The following ZNF521 variants were observed in gnomAD, a reference collection of about 807,000 sequenced individuals.
ZNF521 encodes the protein zinc finger protein 521, also known as LYST-interacting protein 3.
Under a neutral mutation model 105.5 loss-of-function variants are expected in ZNF521, and 14 were observed. That is an observed-to-expected ratio of 0.13 (90% CI 0.09 to 0.21). The LOEUF (loss-of-function observed/expected upper bound fraction) is 0.21. Ranked by LOEUF, ZNF521 falls within the 10% of genes least tolerant of loss-of-function variation. The pLI, the probability that ZNF521 is intolerant of heterozygous loss-of-function variation, is 1.00. For synonymous variants in ZNF521, 635 were observed against 606.0 expected (o/e 1.05, Z -0.70); for missense variants, 1,233 against 1,629.7 (o/e 0.76, Z 4.19).
At position 25,352,033 on chromosome 18, in the gene ZNF521, C is replaced by G; in HGVS notation, c.-30G>C. ...CAAGGTCTTGGACTGCGCTGTCGCT[C>G]CGGTAGTCCACATAATAATGGAAAA... On this transcript the variant is annotated 5_prime_UTR_variant, in exon 1 of 8. Transcript: ENST00000361524. 4.1e-6 allele frequency: 2 copies of G among 489,074 alleles called. No individual in the cohort carries two copies. Among genetic ancestry groups the G allele is most frequent in the Non-Finnish European group, 8.2e-6 (2 of 242,678 alleles). 30.3% of individuals were successfully genotyped at this position (489,074 alleles called of 1,614,324 possible). A position where few individuals can be genotyped will look rare whatever the true frequency, so the allele number is the denominator to read the frequency against.
At chr18:25,093,678 A>G (rs1045233980) in intron 5 of ZNF521, among the ~76,000 whole-genome samples, 1 of 152,198 alleles carries the variant, frequency 6.6e-6, no homozygotes, top group Non-Finnish European at 1.5e-5. Context: ...AGTACTGTCT[A>G]CATTTCACAA....
At chr18:25,170,898 T>A (rs2144558302) in intron 5 of ZNF521, among the ~76,000 whole-genome samples, 1 of 152,258 alleles carries the variant, frequency 6.6e-6, no homozygotes, top group Non-Finnish European at 1.5e-5. Flanking sequence ...TCCAAATAAA[T>A]CAGTTGCTAC....
At chr18:25,218,132 A>T (rs559912237) in intron 4 of ZNF521, among the ~76,000 whole-genome samples, 2 of 152,328 alleles carry the variant, frequency 1.3e-5, no homozygotes, top group South Asian at 4.2e-4. Flanking sequence ...GGATTATTAT[A>T]TCATCCTATG....
Position 25,227,954 on chromosome 18 carries a change from T to G in ZNF521, c.221-257A>C, listed in dbSNP as rs999315651. On this transcript the variant is annotated intron_variant, in intron 3 of 7. Transcript: ENST00000361524. This position sits in a 1 kb window ranked among gnomAD's most constrained non-coding sequence, Gnocchi z 5.7. ...ATGTCTAAATTACCCTTTTATTACTTTTTATCATTCTTCCTTAGAAGCAAG... is the reference window on the plus strand; with the variant it reads ...ATGTCTAAATTACCCTTTTATTACTGTTTATCATTCTTCCTTAGAAGCAAG... Among the ~76,000 whole-genome samples the G allele has an allele frequency of 1.3e-5, 2 of 152,236 alleles. No individual in the cohort carries two copies. The highest frequency in any genetic ancestry group is 2.9e-5 in the Non-Finnish European group (2 of 68,040).
intron 5 of ZNF521, among the ~76,000 whole-genome samples, chr18:25,100,967 G>A (rs1044696333): frequency 6.6e-6 from 1 of 152,214 alleles, no homozygotes; most frequent in African/African-American, 2.4e-5. Context: ...CCAGAAGGCA[G>A]AGGAGCATTC....
intron 7 of ZNF521, among the ~76,000 whole-genome samples, chr18:25,063,182 A>T (rs1162091598): frequency 6.6e-6 from 1 of 152,166 alleles, no homozygotes; most frequent in Non-Finnish European, 1.5e-5. Context: ...AGTTTTATGG[A>T]TCTGTGCGTG....
chr18:25,184,966 A>G (rs906642671), intron 5 of ZNF521, among the ~76,000 whole-genome samples: 10 of 152,190 alleles, frequency 6.6e-5, no homozygotes, highest in African/African-American at 1.9e-4. Context: ...TTACTGGGTA[A>G]AAACAGTAGA....
intron 6 of ZNF521, among the ~76,000 whole-genome samples, chr18:25,090,760 T>C (rs749628112): frequency 6.6e-6 from 1 of 152,216 alleles, no homozygotes; most frequent in African/African-American, 2.4e-5. Flanking sequence ...GTCTTAATCG[T>C]GAGGTGACCT....
Position 25,224,852 on chromosome 18 carries a change from G to A in ZNF521, c.3066C>T (p.Cys1022=), listed in dbSNP as rs143100224. Residue 1022 remains cysteine (C), a synonymous_variant, in exon 4 of 8, where the codon TGC becomes TGT. Coordinates refer to ENST00000361524, the MANE Select transcript of ZNF521 (RefSeq NM_015461.3). ...AGGTCACTGTCTGCATGCACACCACGCAGCGAAAGCCTGTCAGGGAATTCC... is the reference window on the plus strand; with the variant it reads ...AGGTCACTGTCTGCATGCACACCACACAGCGAAAGCCTGTCAGGGAATTCC... ...DLRNSLTGFR[C]VVCMQTVTST... is the part of the protein sequence containing the mutation. The A allele has an allele frequency of 9.9e-6, 16 of 1,613,868 alleles. No homozygotes were observed. The highest frequency in any genetic ancestry group is 2.7e-5 in the African/African-American group (2 of 74,888).
At chr18:25,157,091 C>CG (rs2035159689) in intron 5 of ZNF521, among the ~76,000 whole-genome samples, 1 of 152,078 alleles carries the variant, frequency 6.6e-6, no homozygotes, top group South Asian at 2.1e-4. Flanking sequence ...CCCAGCTACC[C>CG]GGGGGCTGAG....
intron 4 of ZNF521, among the ~76,000 whole-genome samples, chr18:25,209,968 T>A (rs2036149767): frequency 6.6e-6 from 1 of 152,220 alleles, no homozygotes; most frequent in Admixed American, 6.5e-5. Flanking sequence ...TGTGGAAATA[T>A]GATTCCTCAT....
At chr18:25,329,069 T>C (rs547991268) in intron 2 of ZNF521, among the ~76,000 whole-genome samples, 1 of 152,332 alleles carries the variant, frequency 6.6e-6, no homozygotes, top group African/African-American at 2.4e-5. Context: ...TGAGCACCTA[T>C]GTGGTTAACA....
intron 5 of ZNF521, among the ~76,000 whole-genome samples, chr18:25,124,015 A>G (rs1044850831): frequency 2.6e-5 from 4 of 152,138 alleles, no homozygotes; most frequent in Non-Finnish European, 4.4e-5. Flanking sequence ...GGGAGCCAAG[A>G]AATCTGTGTC....
At chr18:25,078,935 C>T (rs958176716) in intron 7 of ZNF521, among the ~76,000 whole-genome samples, 1 of 152,186 alleles carries the variant, frequency 6.6e-6, no homozygotes, top group African/African-American at 2.4e-5. Flanking sequence ...AACAAACCAC[C>T]TATTTCTGTG....
At chr18:25,166,368 A>G (rs1414391021) in intron 5 of ZNF521, among the ~76,000 whole-genome samples, 2 of 152,220 alleles carry the variant, frequency 1.3e-5, no homozygotes, top group East Asian at 3.8e-4. Context: ...GAAATTCACT[A>G]GATAAATAGA....
chr18:25,211,840 T>C (rs1224490186), intron 4 of ZNF521, among the ~76,000 whole-genome samples: 2 of 152,256 alleles, frequency 1.3e-5, no homozygotes, highest in Non-Finnish European at 2.9e-5. Flanking sequence ...AAAAGGTTTA[T>C]GGTTTTGCCT....
intron 3 of ZNF521, chr18:25,301,986 A>C (rs1911666940): frequency 6.6e-6 from 1 of 152,182 alleles, no homozygotes; most frequent in Non-Finnish European, 1.5e-5. Flanking sequence ...TGGAGTCAGA[A>C]GTTCAATGTC....
At chr18:25,327,393 T>C (rs1372598338) in intron 2 of ZNF521, 2 of 1,137,170 alleles carry the variant, frequency 1.8e-6, no homozygotes, top group South Asian at 2.0e-5. Context: ...TTAAAGTTCA[T>C]ATGTGTACTC....
At chr18:25,091,333 CT>C (rs1041714968) in intron 6 of ZNF521, among the ~76,000 whole-genome samples, 56 of 150,204 alleles carry the variant, frequency 3.7e-4, no homozygotes, top group Admixed American at 2.5e-3. Flanking sequence ...TTCAGATTTA[CT>C]TTTTTTTTTC....
Sources: gnomAD v4.1 joint callset for allele counts (sites outside exome capture counted in the v4.1 genomes callset) on GRCh38, gnomAD v4.1.1 for gene constraint, Gnocchi (gnomAD v3.1) non-coding constraint, MANE v1.5 for transcripts, NCBI Gene and HGNC (gene_info 2026-07-23, HGNC 2026-07-21) for gene names.